Variants in COMMD1 observed in about 807,000 individuals in gnomAD.
COMMD1 encodes the protein COMM domain-containing protein 1.
In COMMD1, 10 loss-of-function variants were observed where a neutral mutation model predicts 17.2. The observed-to-expected ratio is 0.58, with a 90% CI of 0.36 to 0.99. The LOEUF is 0.99. COMMD1 is among the 50% of genes least tolerant of loss of function. The probability of loss-of-function intolerance (pLI) is 0.01; values close to 1 mark genes in which losing one functional copy is unlikely to be tolerated. For synonymous variants in COMMD1, 97 were observed against 91.6 expected (o/e 1.06, Z -0.34); for missense variants, 270 against 231.8 (o/e 1.17, Z -1.07).
At chr2:61,977,151 CT>C (rs1410646414) in intron 1 of COMMD1, among the ~76,000 whole-genome samples, 1 of 146,006 alleles carries the variant, frequency 6.8e-6, no homozygotes, top group Non-Finnish European at 1.5e-5. Context: ...GTGGGGTAAG[CT>C]TTGTTTGTGT....
At chr2:61,981,602 T>C (rs1267328234) in intron 1 of COMMD1, among the ~76,000 whole-genome samples, 2 of 150,868 alleles carry the variant, frequency 1.3e-5, no homozygotes, top group African/African-American at 4.9e-5. Context: ...GAGAAAGAGG[T>C]TTTAATGAAC....
chr2:61,947,355 G>A (rs915702170), intron 1 of COMMD1, among the ~76,000 whole-genome samples: 1 of 151,820 alleles, frequency 6.6e-6, no homozygotes, highest in African/African-American at 2.4e-5. Context: ...TTTTTAAACA[G>A]CCTTTGAGCA....
intron 2 of COMMD1, among the ~76,000 whole-genome samples, chr2:62,035,513 A>G (rs1451929373): frequency 4.6e-5 from 7 of 151,480 alleles, no homozygotes; most frequent in Admixed American, 4.6e-4. Context: ...GACCTAGGCA[A>G]GTGGATCACT....
Position 61,930,032 on chromosome 2 carries a change from C to A in COMMD1, c.180+24174C>A, listed in dbSNP as rs144880064. Among the ~76,000 whole-genome samples, 266 of 152,052 alleles carry A rather than the reference C, an allele frequency of 1.7e-3. 2 individuals are homozygous for A. The highest frequency in any genetic ancestry group is 6.4e-3 in the African/African-American group (264 of 41,488). ...GGGGGAGGGAAAGATATTTTTCCTC[C>A]CCTACAACCTTTTCTGTGTAATTAT... is the stretch of plus-strand genomic sequence containing the variant. On this transcript the variant is annotated intron_variant, in intron 1 of 2. Transcript: ENST00000311832.
At chr2:62,094,916 C>A (rs17038292) in intron 2 of COMMD1, among the ~76,000 whole-genome samples, 7,840 of 152,208 alleles carry the variant, frequency 0.052, 695 homozygotes, top group African/African-American at 0.18. Flanking sequence ...TTTTATATTT[C>A]TTTTCTGTTC....
chr2:62,116,481 G>A (rs1213382544), intron 2 of COMMD1, among the ~76,000 whole-genome samples: 1 of 152,032 alleles, frequency 6.6e-6, no homozygotes, highest in African/African-American at 2.4e-5. Flanking sequence ...AGACCAGCCT[G>A]GCCAACATGG....
rs116412970 is a variant in COMMD1, at chr2:62,006,861, G to A, written c.462+5879G>A. Among the ~76,000 whole-genome samples, 929 of 152,240 alleles carry A rather than the reference G, an allele frequency of 6.1e-3. 10 individuals carry two copies. Among genetic ancestry groups the A allele is most frequent in the African/African-American group, 0.021 (870 of 41,554 alleles). On this transcript the variant is annotated intron_variant, in intron 2 of 2. Coordinates refer to ENST00000311832, the MANE Select transcript of COMMD1 (RefSeq NM_152516.4). ...TTTTTTAAACACTAACTGGGGAGAA[G>A]GGATGGTAATTTATACCTTCAGTGG...
chr2:61,978,125 A>G (rs1289809786), intron 1 of COMMD1, among the ~76,000 whole-genome samples: 1 of 152,054 alleles, frequency 6.6e-6, no homozygotes, highest in Admixed American at 6.6e-5. Flanking sequence ...GTGAAACCCC[A>G]CCTCTAAAAA....
chr2:62,023,080 G>T (rs927140833), intron 2 of COMMD1, among the ~76,000 whole-genome samples: 3 of 152,140 alleles, frequency 2.0e-5, no homozygotes, highest in African/African-American at 7.2e-5. Context: ...TATAAAATTA[G>T]CTGGGCATGG....
At chr2:61,895,122 A>G (rs1474700210) in intron 1 of COMMD1, among the ~76,000 whole-genome samples, 2 of 152,234 alleles carry the variant, frequency 1.3e-5, no homozygotes, top group Non-Finnish European at 2.9e-5. Context: ...ATGAAGATGA[A>G]AGGGTAACTT....
intron 2 of COMMD1, among the ~76,000 whole-genome samples, chr2:62,086,839 A>G (rs1671684594): frequency 6.6e-6 from 1 of 151,636 alleles, no homozygotes; most frequent in African/African-American, 2.4e-5. Flanking sequence ...ATATTGGAAG[A>G]ATTTCTTTTT....
intron 1 of COMMD1, among the ~76,000 whole-genome samples, chr2:61,906,468 T>C (rs1669774647): frequency 6.6e-6 from 1 of 152,254 alleles, no homozygotes; most frequent in African/African-American, 2.4e-5. Context: ...ATACAGAATA[T>C]TGACAAGATT....
At chr2:62,096,118 G>A (rs558711765) in intron 2 of COMMD1, among the ~76,000 whole-genome samples, 1 of 152,098 alleles carries the variant, frequency 6.6e-6, no homozygotes, top group South Asian at 2.1e-4. Flanking sequence ...TCCTAAAAAT[G>A]TAATGTCATT....
chr2:62,014,102 T>C (rs1456532479), intron 2 of COMMD1, among the ~76,000 whole-genome samples: 2 of 152,162 alleles, frequency 1.3e-5, no homozygotes, highest in African/African-American at 2.4e-5. Flanking sequence ...ATGAGTGTCT[T>C]TGCAGATTCA....
chr2:61,991,757 A>G (rs933265791), intron 1 of COMMD1, among the ~76,000 whole-genome samples: 4 of 152,204 alleles, frequency 2.6e-5, no homozygotes, highest in African/African-American at 9.6e-5. Context: ...TTGGGGAATT[A>G]CAAACAGGTT....
rs373174037 is a variant in COMMD1, at chr2:61,981,530, GT to G, written c.181-19167del. Among the ~76,000 whole-genome samples, 448 of 152,194 alleles carry G rather than the reference GT, an allele frequency of 2.9e-3. 1 individual carries two copies. Among genetic ancestry groups the G allele is most frequent in the African/African-American group, 0.01 (428 of 41,526 alleles). On this transcript the variant is annotated intron_variant, in intron 1 of 2. Transcript: ENST00000311832. ...TCTGTTTTTATGCCAGTACCATGTTGTTTTGGTTACTGTATTAGTCCATTTT... is the reference window on the plus strand; with the variant it reads ...TCTGTTTTTATGCCAGTACCATGTTGTTTGGTTACTGTATTAGTCCATTTT...
chr2:61,949,929 C>A (rs1185360951), intron 1 of COMMD1, among the ~76,000 whole-genome samples: 2 of 152,090 alleles, frequency 1.3e-5, no homozygotes, highest in African/African-American at 4.8e-5. Flanking sequence ...AGGTAGAAAA[C>A]CAATAACGAG....
intron 1 of COMMD1, among the ~76,000 whole-genome samples, chr2:61,997,207 G>A (rs1205412881): frequency 6.6e-6 from 1 of 151,772 alleles, no homozygotes; most frequent in Non-Finnish European, 1.5e-5. Flanking sequence ...CCACAGATGC[G>A]TACTACCCCG....
chr2:62,004,455 C>T (rs1669057828), intron 2 of COMMD1, among the ~76,000 whole-genome samples: 1 of 152,122 alleles, frequency 6.6e-6, no homozygotes. Flanking sequence ...GTGCCTGCCA[C>T]TGTGCCTGGC....
Sources: allele counts gnomAD v4.1 joint callset (sites outside exome capture counted in the v4.1 genomes callset), GRCh38; gene constraint gnomAD v4.1.1; transcripts MANE v1.5; gene names NCBI Gene and HGNC (gene_info 2026-07-23, HGNC 2026-07-21).